Variants in RGS14 observed in about 807,000 individuals in gnomAD.
The protein encoded by RGS14 is regulator of G-protein signaling 14.
Under a neutral mutation model 63.8 loss-of-function variants are expected in RGS14, and 33 were observed. The observed-to-expected ratio is 0.52, with a 90% CI of 0.39 to 0.69. The LOEUF (loss-of-function observed/expected upper bound fraction) is 0.69, where lower values mean the gene tolerates loss of function less well. Among genes scored for constraint, RGS14 ranks in the 30% least tolerant of loss-of-function variants. The pLI is 0.00. For missense variants in RGS14, 739 were observed against 742.9 expected, an observed-to-expected ratio of 0.99 and a Z score of 0.06; for synonymous variants, 296 against 320.9, an observed-to-expected ratio of 0.92 and a Z score of 0.83.
rs1297070574 is a variant in RGS14 at position 177,371,304 on chromosome 5, G to T, written c.1337-46G>T. On this transcript the variant is annotated intron_variant, in intron 12 of 14. Transcript: ENST00000408923. The surrounding 1 kb of genome is among the most constrained non-coding windows in gnomAD (Gnocchi z 6.1). ...AACAGCTGTGGCCCAGGAGGAAGGG[G>T]GTCCAGGTGGGAGGCAAACACTAAC... is the stretch of plus-strand genomic sequence containing the variant. 1 of 1,614,026 alleles carries T rather than the reference G, an allele frequency of 6.2e-7. No homozygotes were observed.
At chr5:177,370,830 C>A in intron 10 of RGS14, 75 bp from the exon 11 acceptor site, 4 of 1,576,514 alleles carry the variant, frequency 2.5e-6, no homozygotes, top group Non-Finnish European at 2.6e-6. Flanking sequence ...AGCTCCACCC[C>A]CTCGCGTTTG....
chr5:177,366,822 G>T, intron 4 of RGS14, 22 bp downstream of exon 4: 1 of 1,614,054 alleles, frequency 6.2e-7, no homozygotes, highest in Non-Finnish European at 8.5e-7. Flanking sequence ...GGGAGCTGGG[G>T]CCGAGGGCTG....
chr5:177,367,626 C>G, intron 6 of RGS14, 69 bp downstream of exon 6: 1 of 1,581,448 alleles, frequency 6.3e-7, no homozygotes, highest in Middle Eastern at 1.9e-4. Flanking sequence ...GAGGGGACGC[C>G]TCCGGGTGCA....
Position 177,359,528 on chromosome 5 carries a change from C to T in RGS14, c.45+1459C>T, listed in dbSNP as rs905485035. On this transcript the variant is annotated intron_variant, in intron 1 of 14. Transcript: ENST00000408923. This position sits in a 1 kb window ranked among gnomAD's most constrained non-coding sequence, Gnocchi z 4.4. ...CCCAGAGACAGACCCAGCCCCTGCCCCTTCTGTGTCAGCCTGTGACTTCTC... is the reference window on the plus strand; with the variant it reads ...CCCAGAGACAGACCCAGCCCCTGCCTCTTCTGTGTCAGCCTGTGACTTCTC... Among the ~76,000 whole-genome samples the T allele has an allele frequency of 4.8e-4, 73 of 152,310 alleles. No homozygotes were observed. The highest frequency in any genetic ancestry group is 1.7e-3 in the African/African-American group (70 of 41,576).
chr5:177,369,192 A>C, intron 9 of RGS14: 3 of 497,352 alleles, frequency 6.0e-6, no homozygotes, highest in East Asian at 3.7e-5. Flanking sequence ...TTTGCCCCTC[A>C]TCATTCCCAG....
chr5:177,361,378 C>A lies in RGS14; in HGVS notation c.45+3309C>A, dbSNP rs1373161240. On this transcript the variant is annotated intron_variant, in intron 1 of 14. Coordinates refer to ENST00000408923, the MANE Select transcript of RGS14 (RefSeq NM_006480.5). ...AATTGGCCCTCCTTCAAGGTCTGATCCCTCTAGAGGGCACAGTTCAAGAGG... is the reference window on the plus strand; with the variant it reads ...AATTGGCCCTCCTTCAAGGTCTGATACCTCTAGAGGGCACAGTTCAAGAGG... Among the ~76,000 whole-genome samples the A allele has an allele frequency of 3.3e-5, 5 of 152,100 alleles. No homozygotes were observed. The East Asian group carries it at 9.6e-4, about 29-fold the overall frequency.
intron 5 of RGS14, 29 bp from the exon 6 acceptor site, chr5:177,367,385 G>C: frequency 3.2e-6 from 5 of 1,570,704 alleles, no homozygotes; most frequent in South Asian, 1.2e-5. Context: ...CCCCAGCCCC[G>C]GCTCACCTGT....
chr5:177,368,825 C>G lies in RGS14; in HGVS notation c.958C>G (p.Pro320Ala), dbSNP rs1275162976. Residue 320 changes from proline (P) to alanine (A), a missense_variant, in exon 9 of 15, where the codon CCT becomes GCT. By Grantham distance (27) the Pro-to-Ala change is conservative. Transcript: ENST00000408923. Reference protein sequence around the residue: ...DGTASLALARPGLTIRDMLAG... With the variant: ...DGTASLALARAGLTIRDMLAG... ...CACAGCCTCCTTGGCCCTGGCCAGA[C>G]CTGGCCTCACCATCCGAGACATGCT... 1.2e-6 allele frequency: 2 copies of G among 1,614,246 alleles called. No homozygotes were observed. The highest frequency in any genetic ancestry group is 1.7e-6 in the Non-Finnish European group (2 of 1,180,034).
chr5:177,363,586 A>G (rs1486750762), intron 1 of RGS14, among the ~76,000 whole-genome samples: 1 of 152,170 alleles, frequency 6.6e-6, no homozygotes, highest in Non-Finnish European at 1.5e-5. Context: ...AGGCATCAAC[A>G]CTGACACAAG....
chr5:177,368,613 G>A (rs1762165134), intron 8 of RGS14, 104 bp from the exon 9 acceptor site: 9 of 1,138,090 alleles, frequency 7.9e-6, no homozygotes, highest in South Asian at 6.9e-5. Context: ...CCTTGGGAGT[G>A]CGTGTGCATG....
chr5:177,366,133 G>A, intron 2 of RGS14, 44 bp from the exon 3 acceptor site: 1 of 1,602,730 alleles, frequency 6.2e-7, no homozygotes, highest in Non-Finnish European at 8.5e-7. Flanking sequence ...CCAGGGGCTG[G>A]GGAAGGCAGC....
At position 177,358,084 on chromosome 5, in the gene RGS14, C is replaced by G. The variant is rs372759331; in HGVS notation, c.45+15C>G. The G allele has an allele frequency of 7.5e-7, 1 of 1,334,306 alleles. No homozygotes were observed. The highest frequency in any genetic ancestry group is 9.7e-7 in the Non-Finnish European group (1 of 1,032,416). The allele number at this position is 1,334,306 out of a possible 1,614,324, so 82.7% of individuals were successfully genotyped here. A position where few individuals can be genotyped will look rare whatever the true frequency, so the allele number is the denominator to read the frequency against. ...ACGGGCGCATGGTGAGTGTGGGCTC[C>G]GGGCCAGGGCCACGAGGAGGGGGTG... On this transcript the variant is annotated intron_variant, in intron 1 of 14. Coordinates refer to ENST00000408923, the MANE Select transcript of RGS14 (RefSeq NM_006480.5). This position sits in a 1 kb window ranked among gnomAD's most constrained non-coding sequence, Gnocchi z 4.8.
chr5:177,363,658 T>C (rs939719398), intron 1 of RGS14, among the ~76,000 whole-genome samples: 1 of 152,156 alleles, frequency 6.6e-6, no homozygotes, highest in Non-Finnish European at 1.5e-5. Flanking sequence ...TTCTGAGTTC[T>C]TTATATATAT....
rs1762144501 is a variant in RGS14 at position 177,368,026 on chromosome 5, T to A, written c.740-131T>A. ...CGTTTGGAAATCTCCAACGGTGGTG[T>A]CGCTCCCAGGGATTTACACCTGGGC... On this transcript the variant is annotated intron_variant, in intron 7 of 14. Coordinates refer to ENST00000408923, the MANE Select transcript of RGS14 (RefSeq NM_006480.5). The A allele has an allele frequency of 2.0e-6, 3 of 1,467,746 alleles. No homozygotes were observed. The South Asian group carries it at 4.2e-5, about 20-fold the overall frequency. The allele number at this position is 1,467,746 out of a possible 1,614,324, so 90.9% of individuals were successfully genotyped here.
chr5:177,362,419 C>T (rs1464452597), intron 1 of RGS14, among the ~76,000 whole-genome samples: 3 of 152,124 alleles, frequency 2.0e-5, no homozygotes, highest in Non-Finnish European at 2.9e-5. Flanking sequence ...TCTGACCCCT[C>T]CCACCAACCA....
chr5:177,365,889 G>A (rs904948991), intron 1 of RGS14, 74 bp from the exon 2 acceptor site: 1 of 1,488,570 alleles, frequency 6.7e-7, no homozygotes, highest in Non-Finnish European at 9.4e-7. Context: ...CCAGCTCCTG[G>A]GAGTCGGGCC....
rs907952688 is a variant in RGS14 at position 177,368,583 on chromosome 5, G to A, written c.850-134G>A. 26 of 878,466 alleles carry A rather than the reference G, an allele frequency of 3.0e-5. No individual in the cohort carries two copies. The African/African-American group carries it at 3.8e-4, about 13-fold the overall frequency. 54.4% of individuals were successfully genotyped at this position (878,466 alleles called of 1,614,324 possible). ...GGGTGTGCATACATGTGTTCCTGCA[G>A]GAGGACGTATCTTTGCCTGCCTTGG... On this transcript the variant is annotated intron_variant, in intron 8 of 14. Transcript: ENST00000408923.
intron 1 of RGS14, among the ~76,000 whole-genome samples, chr5:177,362,199 C>A (rs968359561): frequency 6.6e-6 from 1 of 152,230 alleles, no homozygotes; most frequent in Non-Finnish European, 1.5e-5. Context: ...TCCACCCCCA[C>A]TCCCACCCAT....
chr5:177,371,069 CGGGCCGGGGCCG>C lies in RGS14; in HGVS notation c.1255-51_1255-40del, dbSNP rs551154915. The C allele has an allele frequency of 0.14, 78,513 of 580,036 alleles. 7,648 individuals are homozygous for C. The highest frequency in any genetic ancestry group is 0.18 in the Admixed American group (2,376 of 13,560). 35.9% of individuals were successfully genotyped at this position (580,036 alleles called of 1,614,324 possible). A position where few individuals can be genotyped will look rare whatever the true frequency, so the allele number is the denominator to read the frequency against. On this transcript the variant is annotated intron_variant, in intron 11 of 14. Coordinates refer to ENST00000408923, the MANE Select transcript of RGS14 (RefSeq NM_006480.5). The surrounding 1 kb of genome is among the most constrained non-coding windows in gnomAD (Gnocchi z 6.1). ...GCCGCGGGGCGGGGCGGGGCGGGGCCGGGCCGGGGCCGGGGCCGGGGCCGGGGCCGGGGCCGG... is the reference window on the plus strand; with the variant it reads ...GCCGCGGGGCGGGGCGGGGCGGGGCCGGGCCGGGGCCGGGGCCGGGGCCGG...
Sources: allele counts gnomAD v4.1 joint callset (sites outside exome capture counted in the v4.1 genomes callset), GRCh38; gene constraint gnomAD v4.1.1; non-coding constraint Gnocchi (gnomAD v3.1); transcripts MANE v1.5; gene names NCBI Gene and HGNC (gene_info 2026-07-23, HGNC 2026-07-21).